The following ADAMTS5 variants were observed in gnomAD, a reference collection of about 807,000 sequenced individuals.
The protein encoded by ADAMTS5 is ADAM metallopeptidase with thrombospondin type 1 motif 5.
In ADAMTS5, 54 loss-of-function variants were observed where a neutral mutation model predicts 81.4. The observed-to-expected ratio is 0.66, with a 90% CI of 0.53 to 0.83. ADAMTS5 has a LOEUF of 0.83. Ranked by LOEUF, ADAMTS5 falls within the 40% of genes least tolerant of loss-of-function variation. ADAMTS5 has a pLI of 0.00. For synonymous variants in ADAMTS5, 532 were observed against 508.8 expected (o/e 1.05, Z -0.61); for missense variants, 1,194 against 1,229.9 (o/e 0.97, Z 0.44).
chr21:26,918,480 G>C lies in ADAMTS5; in HGVS notation c.*5573C>G, dbSNP rs1302241205. On this transcript the variant is annotated 3_prime_UTR_variant, in exon 8 of 8. Transcript: ENST00000284987. Reference sequence around the variant, plus strand: ...TTCAGTCTATTTAGTTATCTGCAAAGTCTATTTACAAAGCATATGTATGAT... The same window carrying C: ...TTCAGTCTATTTAGTTATCTGCAAACTCTATTTACAAAGCATATGTATGAT... 1 of 151,950 alleles carries C rather than the reference G, an allele frequency of 6.6e-6. No homozygotes were observed. The highest frequency in any genetic ancestry group is 1.5e-5 in the Non-Finnish European group (1 of 67,924). 9.4% of individuals were successfully genotyped at this position (151,950 alleles called of 1,614,324 possible).
chr21:26,953,938 A>G (rs945390781), intron 2 of ADAMTS5: 1 of 153,772 alleles, frequency 6.5e-6, no homozygotes, highest in South Asian at 2.1e-4. Context: ...ATAGGTATAA[A>G]GTAATTTAGC....
intron 2 of ADAMTS5, among the ~76,000 whole-genome samples, chr21:26,949,678 A>T (rs1987282446): frequency 6.6e-6 from 1 of 152,206 alleles, no homozygotes; most frequent in Non-Finnish European, 1.5e-5. Flanking sequence ...AGTTTTTAAA[A>T]ACTGACAATA....
Position 26,918,072 on chromosome 21 carries a change from T to G in ADAMTS5, c.*5981A>C, listed in dbSNP as rs976352312. On this transcript the variant is annotated 3_prime_UTR_variant, in exon 8 of 8. Transcript: ENST00000284987. ...CAGTATAGGTCCCAAACGGCTCAGT[T>G]CAAGTCTTTTACCTGAATAACAGAG... is the stretch of plus-strand genomic sequence containing the variant. 6.6e-6 allele frequency: 1 copy of G among 152,354 alleles called. No homozygotes were observed. The highest frequency in any genetic ancestry group is 1.5e-5 in the Non-Finnish European group (1 of 67,886). The allele number at this position is 152,354 out of a possible 1,614,324, so 9.4% of individuals were successfully genotyped here. A position where few individuals can be genotyped will look rare whatever the true frequency, so the allele number is the denominator to read the frequency against.
chr21:26,949,198 TGG>T (rs1568848274), intron 2 of ADAMTS5, among the ~76,000 whole-genome samples: 462 of 137,556 alleles, frequency 3.4e-3, no homozygotes, highest in African/African-American at 0.011. Context: ...TATATATATA[TGG>T]AGAGAGAGAG....
intron 3 of ADAMTS5, among the ~76,000 whole-genome samples, chr21:26,938,600 G>A (rs1335925726): frequency 6.6e-6 from 1 of 152,162 alleles, no homozygotes; most frequent in Non-Finnish European, 1.5e-5. Flanking sequence ...TGCAATCTCG[G>A]CTCACTGCAA....
At position 26,965,689 on chromosome 21, in the gene ADAMTS5, C is replaced by T. The variant is rs1189746335; in HGVS notation, c.703G>A (p.Ala235Thr). Residue 235 changes from alanine to threonine, a missense_variant, in exon 1 of 8, where the codon GCC (alanine) becomes ACC (threonine). By Grantham distance (58) the Ala-to-Thr change is moderately conservative. Around this residue, in one of 2 missense-constraint regions of ADAMTS5, gnomAD observed 498 missense variants for 412.3 expected, o/e 1.21. Transcript: ENST00000284987. ...HSNPSGRAALASQLLDQSALS... is the reference protein window; with the variant it reads ...HSNPSGRAALTSQLLDQSALS... Reference sequence around the variant, plus strand: ...GCGGACTGGTCCAAGAGCTGCGAGGCCAGTGCTGCGCGTCCGCTCGGGTTG... The same window carrying T: ...GCGGACTGGTCCAAGAGCTGCGAGGTCAGTGCTGCGCGTCCGCTCGGGTTG... 2.5e-6 allele frequency: 4 copies of T among 1,582,868 alleles called. No individual in the cohort carries two copies. The highest frequency in any genetic ancestry group is 1.1e-5 in the South Asian group (1 of 87,710).
rs1987659857 is a variant in ADAMTS5 at position 26,966,131 on chromosome 21, C to T, written c.261G>A (p.Val87=). 3 of 1,612,378 alleles carry T rather than the reference C, an allele frequency of 1.9e-6. No homozygotes were observed. The Middle Eastern group carries it at 5.0e-4, about 266-fold the overall frequency. The stretch of plus-strand genomic sequence containing the variant: ...GGCCGCCCGCGTAGACGAGGTAGCC[C>T]ACCTTGCCGCCGCCGGAGTAGAGTT... ...IDQLYSGGGK[V]GYLVYAGGRR... is the part of the protein sequence containing the mutation. Residue 87 remains valine, a synonymous_variant, in exon 1 of 8, where the codon GTG becomes GTA. Coordinates refer to ENST00000284987, the MANE Select transcript of ADAMTS5 (RefSeq NM_007038.5).
rs2123162450 is a variant in ADAMTS5 at position 26,923,968 on chromosome 21, T to G, written c.*85A>C. On this transcript the variant is annotated 3_prime_UTR_variant, in exon 8 of 8. Coordinates refer to ENST00000284987, the MANE Select transcript of ADAMTS5 (RefSeq NM_007038.5). ...AATGTCACTGAAGCATGACTTTCTG[T>G]GCGTTAGGTAGACCTCCTGTTCACC... 1.5e-6 allele frequency: 2 copies of G among 1,358,622 alleles called. No homozygotes were observed. Among genetic ancestry groups the G allele is most frequent in the Non-Finnish European group, 2.0e-6 (2 of 1,009,056 alleles). 84.2% of individuals were successfully genotyped at this position (1,358,622 alleles called of 1,614,324 possible).
chr21:26,918,330 A>C lies in ADAMTS5; in HGVS notation c.*5723T>G, dbSNP rs553613184. Reference sequence around the variant, plus strand: ...ATCTTCAATGATTTTCTCTACCATCAAAGCAAGTTTCAAGGTTTAAAAATC... The same window carrying C: ...ATCTTCAATGATTTTCTCTACCATCCAAGCAAGTTTCAAGGTTTAAAAATC... On this transcript the variant is annotated 3_prime_UTR_variant, in exon 8 of 8. Transcript: ENST00000284987. 1 of 152,564 alleles carries C rather than the reference A, an allele frequency of 6.6e-6. No individual in the cohort carries two copies. The highest frequency in any genetic ancestry group is 2.1e-4 in the South Asian group (1 of 4,830). 9.5% of individuals were successfully genotyped at this position (152,564 alleles called of 1,614,324 possible). A position where few individuals can be genotyped will look rare whatever the true frequency, so the allele number is the denominator to read the frequency against.
intron 2 of ADAMTS5, among the ~76,000 whole-genome samples, chr21:26,949,229 G>C (rs1436817146): frequency 6.9e-6 from 1 of 145,632 alleles, no homozygotes; most frequent in Non-Finnish European, 1.5e-5. Flanking sequence ...AGAGAGTCTT[G>C]CTGTATCACC....
At chr21:26,948,284 C>T (rs1987253320) in intron 2 of ADAMTS5, among the ~76,000 whole-genome samples, 1 of 152,158 alleles carries the variant, frequency 6.6e-6, no homozygotes, top group Non-Finnish European at 1.5e-5. Context: ...TTTTTCTAAA[C>T]TTTGGTCTGC....
chr21:26,965,595 G>A lies in ADAMTS5; in HGVS notation c.797C>T (p.Ala266Val). ...WRRRRRSISRARQVELLLVAD... is the reference protein window; with the variant it reads ...WRRRRRSISRVRQVELLLVAD... ...CACCAGAAGCAGCTCCACCTGGCGGGCCCGGGAGATGGAGCGGCGCCGCCG... is the reference window on the plus strand; with the variant it reads ...CACCAGAAGCAGCTCCACCTGGCGGACCCGGGAGATGGAGCGGCGCCGCCG... The change falls in exon 1 of 8, where the codon GCC (alanine) becomes GTC (valine). Residue 266 changes from alanine to valine, a missense_variant. Transcript: ENST00000284987. The A allele has an allele frequency of 1.2e-6, 2 of 1,604,152 alleles. No homozygotes were observed. Among genetic ancestry groups the A allele is most frequent in the South Asian group, 1.1e-5 (1 of 90,590 alleles).
rs750831625 is a variant in ADAMTS5, at chr21:26,954,789, A to G, written c.1187T>C (p.Val396Ala). The change falls in exon 2 of 8, where the codon GTG becomes GCG. Residue 396 changes from valine to alanine, a missense_variant. Val to Ala is a moderately conservative substitution (Grantham distance 64, BLOSUM62 0). Transcript: ENST00000284987. ...TICSPERSCAVIEDDGLHAAF... is the reference protein window; with the variant it reads ...TICSPERSCAAIEDDGLHAAF... ...TGCGTGGAGGCCATCGTCTTCAATC[A>G]CAGCACAGCTGCGCTCTGGAGAACA... is the stretch of plus-strand genomic sequence containing the variant. 160 of 1,613,984 alleles carry G rather than the reference A, an allele frequency of 9.9e-5. No homozygotes were observed. Among genetic ancestry groups the G allele is most frequent in the Non-Finnish European group, 1.3e-4 (159 of 1,179,972 alleles).
At chr21:26,964,451 C>T (rs1601023281) in intron 1 of ADAMTS5, among the ~76,000 whole-genome samples, 2 of 152,224 alleles carry the variant, frequency 1.3e-5, no homozygotes, top group East Asian at 3.9e-4. Context: ...AACATTTCTT[C>T]CTTCTGTCTT....
chr21:26,964,301 T>C (rs902508605), intron 1 of ADAMTS5, among the ~76,000 whole-genome samples: 2 of 152,188 alleles, frequency 1.3e-5, no homozygotes, highest in African/African-American at 4.8e-5. Flanking sequence ...ACCCAGACTT[T>C]TTGTGTAAAT....
In ADAMTS5 at chr21:26,920,234, A is replaced by G. The variant is rs1488872826; in HGVS notation, c.*3819T>C. 1 of 152,118 alleles carries G rather than the reference A, an allele frequency of 6.6e-6. No homozygotes were observed. Among genetic ancestry groups the G allele is most frequent in the Non-Finnish European group, 1.5e-5 (1 of 68,000 alleles). The allele number at this position is 152,118 out of a possible 1,614,324, so 9.4% of individuals were successfully genotyped here. A position where few individuals can be genotyped will look rare whatever the true frequency, so the allele number is the denominator to read the frequency against. On this transcript the variant is annotated 3_prime_UTR_variant, in exon 8 of 8. Coordinates refer to ENST00000284987, the MANE Select transcript of ADAMTS5 (RefSeq NM_007038.5). ...AGGAAGGAATCAATGGGGAAATATCACAACCAGAGATTGGCTGTGTGTCCA... is the reference window on the plus strand; with the variant it reads ...AGGAAGGAATCAATGGGGAAATATCGCAACCAGAGATTGGCTGTGTGTCCA...
chr21:26,929,585 G>A, intron 7 of ADAMTS5, among the ~76,000 whole-genome samples: 1 of 152,138 alleles, frequency 6.6e-6, no homozygotes, highest in East Asian at 1.9e-4. Flanking sequence ...AGATCTGCAA[G>A]ATATCACTAA....
chr21:26,944,630 C>G (rs1016107483), intron 2 of ADAMTS5, among the ~76,000 whole-genome samples: 1 of 152,080 alleles, frequency 6.6e-6, no homozygotes, highest in African/African-American at 2.4e-5. Flanking sequence ...TTTCTAGAAT[C>G]ATACACAAAC....
At position 26,941,972 on chromosome 21, in the gene ADAMTS5, G is replaced by A. The variant is rs184801382; in HGVS notation, c.1405+1408C>T. ...CTGGTCTAAGGAAAAAGCTTCATAC[G>A]TTAATTCTTATTGTTGTTTCCAAGT... On this transcript the variant is annotated intron_variant, in intron 3 of 7. Coordinates refer to ENST00000284987, the MANE Select transcript of ADAMTS5 (RefSeq NM_007038.5). Among the ~76,000 whole-genome samples the A allele has an allele frequency of 3.9e-5, 6 of 152,078 alleles. No homozygotes were observed. In the East Asian group the frequency reaches 7.7e-4, roughly 20 times the overall value.
Sources: gnomAD v4.1 joint callset for allele counts (sites outside exome capture counted in the v4.1 genomes callset) on GRCh38, gnomAD v4.1.1 for gene constraint, gnomAD v4.1.1 regional missense constraint, MANE v1.5 for transcripts, NCBI Gene and HGNC (gene_info 2026-07-23, HGNC 2026-07-21) for gene names.